ABCB11: variants seen among roughly 807,000 people sequenced by gnomAD.
ABCB11 encodes the protein ATP binding cassette subfamily B member 11.
ABCB11 carries 95 observed loss-of-function variants against 148.0 expected under a neutral mutation model. The ratio of observed to expected loss-of-function variants is 0.64; its 90% CI spans 0.54 to 0.76. ABCB11 has a LOEUF of 0.76. ABCB11 is among the 30% of genes least tolerant of loss of function. The probability of loss-of-function intolerance (pLI) is 0.00; values close to 1 mark genes in which losing one functional copy is unlikely to be tolerated. For synonymous variants in ABCB11, 591 were observed against 555.4 expected, an observed-to-expected ratio of 1.06 and a Z score of -0.90; for missense variants, 1,523 against 1,617.8, an observed-to-expected ratio of 0.94 and a Z score of 1.01.
chr2:168,963,380 G>T (rs1004987845), intron 18 of ABCB11, among the ~76,000 whole-genome samples: 2 of 151,654 alleles, frequency 1.3e-5, no homozygotes, highest in Non-Finnish European at 3.0e-5. Context: ...TTTGATTAAG[G>T]CTCAATAAGA....
In ABCB11 at chr2:168,932,540, C is replaced by T. The variant is rs1309190248; in HGVS notation, c.3057-7G>A. 1.2e-6 allele frequency: 2 copies of T among 1,612,706 alleles called. No homozygotes were observed. Among genetic ancestry groups the T allele is most frequent in the Non-Finnish European group, 1.7e-6 (2 of 1,179,356 alleles). On this transcript the variant is annotated splice_region_variant and splice_polypyrimidine_tract_variant and intron_variant, in intron 23 of 27. Coordinates refer to ENST00000650372, the MANE Select transcript of ABCB11 (RefSeq NM_003742.4). ...TACAACTGCAGAGATCACCCTGTAA[C>T]CAGACAGACACACAGGAAGAGAGCA...
intron 19 of ABCB11, among the ~76,000 whole-genome samples, chr2:168,955,331 G>A (rs1034967782): frequency 1.3e-5 from 2 of 151,548 alleles, no homozygotes; most frequent in African/African-American, 4.8e-5. Context: ...AAGAAAAGAG[G>A]TTTAATTGAC....
intron 9 of ABCB11, among the ~76,000 whole-genome samples, chr2:168,989,125 T>C (rs10174358): frequency 0.06 from 9,121 of 152,184 alleles, 911 homozygotes; most frequent in African/African-American, 0.21. Flanking sequence ...GCTTTTTAGT[T>C]TGATGTAATC....
At chr2:168,919,501 C>CTTCCTCTG (rs1336132166), downstream of ABCB11, among the ~76,000 whole-genome samples, 1 of 152,128 alleles carries the variant, frequency 6.6e-6, no homozygotes, top group Non-Finnish European at 1.5e-5. Context: ...CCTCTGGGTA[C>CTTCCTCTG]AGCACACCTG....
chr2:169,017,956 AT>A, intron 2 of ABCB11, 93 bp downstream of exon 2: 2 of 1,054,698 alleles, frequency 1.9e-6, no homozygotes, highest in Non-Finnish European at 3.0e-6. Flanking sequence ...ACTGTTGCTG[AT>A]TTTTTTCTGC....
rs1694489538 is a variant in ABCB11 at position 168,990,809 on chromosome 2, C to A, written c.900G>T (p.Glu300Asp). ...GATTCCAATTAACCAACCTTTCAAC[C>A]TCTCTTTTCTCACCACCAAAAGCAG... ...TVAAFGGEKR[E>D]VERYEKNLVF... The change falls in exon 9 of 28, where the codon GAG becomes GAT. Residue 300 changes from glutamate to aspartate, a missense_variant. By Grantham distance (45) the Glu-to-Asp change is conservative. Transcript: ENST00000650372. 6.2e-7 allele frequency: 1 copy of A among 1,612,794 alleles called. No individual in the cohort carries two copies. Among genetic ancestry groups the A allele is most frequent in the Middle Eastern group, 1.7e-4 (1 of 6,052 alleles).
intron 8 of ABCB11, 102 bp downstream of exon 8, chr2:168,993,609 T>C (rs890674460): frequency 4.8e-6 from 5 of 1,036,334 alleles, no homozygotes; most frequent in African/African-American, 1.6e-5. Context: ...GTGATAATTA[T>C]GTTGCTAACT....
At chr2:168,916,315 G>C (rs1690940393), downstream of ABCB11, among the ~76,000 whole-genome samples, 1 of 152,214 alleles carries the variant, frequency 6.6e-6, no homozygotes, top group Non-Finnish European at 1.5e-5. Context: ...GAGAGCAGGA[G>C]CTGTACCTGA....
Position 168,952,674 on chromosome 2 carries a change from TTTG to T in ABCB11, c.2343+5287_2343+5289del, listed in dbSNP as rs1359323087. Among the ~76,000 whole-genome samples, 7 of 103,426 alleles carry T rather than the reference TTTG, an allele frequency of 6.8e-5. No individual in the cohort carries two copies. In the East Asian group the frequency reaches 2.4e-3, roughly 36 times the overall value. The allele number at this position is 103,426 out of a possible 152,430, so 67.9% of individuals were successfully genotyped here. ...AAACAATTTTTTGTTTCATTGCTCC[TTTG>T]TTTTTTTTTTTTTGTTTGTTTCTAT... On this transcript the variant is annotated intron_variant, in intron 19 of 27. Transcript: ENST00000650372.
intron 23 of ABCB11, among the ~76,000 whole-genome samples, chr2:168,933,756 T>TTGTTC (rs1691691012): frequency 6.6e-6 from 1 of 151,718 alleles, no homozygotes; most frequent in African/African-American, 2.4e-5. Flanking sequence ...ACTTTTTGTT[T>TTGTTC]TGTTTTGAGA....
chr2:168,982,727 C>T (rs1694174674), intron 10 of ABCB11, among the ~76,000 whole-genome samples: 1 of 152,076 alleles, frequency 6.6e-6, no homozygotes, highest in African/African-American at 2.4e-5. Flanking sequence ...CATGCACACT[C>T]AGCCTTCATA....
intron 11 of ABCB11, among the ~76,000 whole-genome samples, chr2:168,978,686 C>G (rs1694022502): frequency 6.6e-6 from 1 of 151,318 alleles, no homozygotes; most frequent in Admixed American, 6.6e-5. Context: ...GAAAGAACAA[C>G]AGATTGCCAA....
At chr2:168,920,468 A>T (rs1259379515), downstream of ABCB11, among the ~76,000 whole-genome samples, 4 of 150,412 alleles carry the variant, frequency 2.7e-5, no homozygotes, top group African/African-American at 7.3e-5. Flanking sequence ...TTCTTTTCTT[A>T]TTTTTTCCTA....
At chr2:168,923,949 A>G (rs562170226) in intron 27 of ABCB11, 127 bp from the exon 28 acceptor site, 2 of 802,362 alleles carry the variant, frequency 2.5e-6, no homozygotes, top group East Asian at 2.7e-5. Context: ...AAGGCTCAAC[A>G]TAAGAGAGGA....
chr2:168,991,995 G>A (rs1487233555), intron 8 of ABCB11, among the ~76,000 whole-genome samples: 1 of 150,930 alleles, frequency 6.6e-6, no homozygotes, highest in Non-Finnish European at 1.5e-5. Context: ...ATGCCACCAT[G>A]CCTGGCTATT....
intron 18 of ABCB11, among the ~76,000 whole-genome samples, chr2:168,963,174 T>C (rs1032222494): frequency 8.6e-5 from 13 of 151,818 alleles, no homozygotes; most frequent in Non-Finnish European, 1.3e-4. Context: ...TCTGACTTAT[T>C]TGCTTTGATA....
chr2:169,027,394 T>C (rs1156943956), intron 1 of ABCB11, among the ~76,000 whole-genome samples: 6 of 152,248 alleles, frequency 3.9e-5, no homozygotes, highest in African/African-American at 1.2e-4. Flanking sequence ...CTGCACACTA[T>C]ATGCGCTTCT....
chr2:168,934,505 A>G (rs1480806614), intron 23 of ABCB11, among the ~76,000 whole-genome samples: 1 of 152,198 alleles, frequency 6.6e-6, no homozygotes, highest in Non-Finnish European at 1.5e-5. Context: ...TTATTAGAAA[A>G]GCAGGCTTTG....
intron 2 of ABCB11, among the ~76,000 whole-genome samples, chr2:169,017,658 C>T (rs1292146076): frequency 6.6e-6 from 1 of 151,734 alleles, no homozygotes; most frequent in Non-Finnish European, 1.5e-5. Flanking sequence ...GTGCTATAGG[C>T]CCCCTCCACA....
Sources: gnomAD v4.1 joint callset for allele counts (sites outside exome capture counted in the v4.1 genomes callset) on GRCh38, gnomAD v4.1.1 for gene constraint, MANE v1.5 for transcripts, NCBI Gene and HGNC (gene_info 2026-07-23, HGNC 2026-07-21) for gene names.